FBXO34: variants seen among roughly 807,000 people sequenced by gnomAD.
FBXO34 encodes F-box only protein 34.
Under a neutral mutation model 24.5 loss-of-function variants are expected in FBXO34, and 12 were observed. That is an observed-to-expected ratio of 0.49 (90% CI 0.31 to 0.79). FBXO34 has a LOEUF of 0.79. FBXO34 is among the 30% of genes least tolerant of loss of function. The pLI is 0.04. For synonymous variants in FBXO34, 320 were observed against 311.9 expected, an observed-to-expected ratio of 1.03 and a Z score of -0.27; for missense variants, 823 against 857.7, an observed-to-expected ratio of 0.96 and a Z score of 0.51.
intron 1 of FBXO34, among the ~76,000 whole-genome samples, chr14:55,342,597 C>T (rs530255636): frequency 6.6e-6 from 1 of 152,140 alleles, no homozygotes; most frequent in South Asian, 2.1e-4. Context: ...TTTTTTCTGT[C>T]AGTGCTTAGA....
At chr14:55,306,007 T>G (rs530573347) in intron 1 of FBXO34, among the ~76,000 whole-genome samples, 1 of 152,366 alleles carries the variant, frequency 6.6e-6, no homozygotes, top group African/African-American at 2.4e-5. Flanking sequence ...GTTCAATGTT[T>G]GATCAACTGA....
At chr14:55,281,340 T>C (rs1214437799) in intron 1 of FBXO34, among the ~76,000 whole-genome samples, 1 of 151,868 alleles carries the variant, frequency 6.6e-6, no homozygotes, top group Non-Finnish European at 1.5e-5. Context: ...TAGTGGCTGC[T>C]GTATTGGATA....
rs755217620 is a variant in FBXO34, at chr14:55,293,600, CT to C, written c.-11+22076del. ...GAGGTAAGATTTCTGTAAATCTCTGCTTTTTTTTTTTTTAAATCAATGAAGG... is the reference window on the plus strand; with the variant it reads ...GAGGTAAGATTTCTGTAAATCTCTGCTTTTTTTTTTTTAAATCAATGAAGG... On this transcript the variant is annotated intron_variant, in intron 1 of 1. Coordinates refer to ENST00000313833, the MANE Select transcript of FBXO34 (RefSeq NM_017943.4). 6.5e-3 allele frequency among the ~76,000 whole-genome samples: 937 copies of C among 144,398 alleles called. 1 individual carries two copies. The highest frequency in any genetic ancestry group is 0.015 in the African/African-American group (593 of 39,906). The allele number at this position is 144,398 out of a possible 152,430, so 94.7% of individuals were successfully genotyped here. A position where few individuals can be genotyped will look rare whatever the true frequency, so the allele number is the denominator to read the frequency against.
chr14:55,345,580 C>G (rs1884133102), intron 1 of FBXO34, among the ~76,000 whole-genome samples: 1 of 152,212 alleles, frequency 6.6e-6, no homozygotes, highest in African/African-American at 2.4e-5. Context: ...TCACAGCACC[C>G]TGTGCTATCC....
At chr14:55,293,762 G>A (rs1566543360) in intron 1 of FBXO34, among the ~76,000 whole-genome samples, 2 of 152,030 alleles carry the variant, frequency 1.3e-5, no homozygotes, top group African/African-American at 4.8e-5. Flanking sequence ...TCCTTAGCAC[G>A]GAAAGTGGGA....
At position 55,352,214 on chromosome 14, in the gene FBXO34, C is replaced by A. The variant is rs771178382; in HGVS notation, c.1824C>A (p.Ile608=). 5.0e-6 allele frequency: 8 copies of A among 1,614,104 alleles called. No individual in the cohort carries two copies. The South Asian group carries it at 8.8e-5, about 18-fold the overall frequency. ...LKCTCCYFKF[I]IEYYNIRPAD... is the part of the protein sequence containing the mutation. ...GTACCTGCTGCTATTTCAAGTTTATCATTGAGTACTACAATATCAGGCCAG... is the reference window on the plus strand; with the variant it reads ...GTACCTGCTGCTATTTCAAGTTTATAATTGAGTACTACAATATCAGGCCAG... The change falls in exon 2 of 2, where the codon ATC becomes ATA. Residue 608 remains isoleucine, a synonymous_variant. Coordinates refer to ENST00000313833, the MANE Select transcript of FBXO34 (RefSeq NM_017943.4).
chr14:55,397,627 C>A, the FBXO34 span, among the ~76,000 whole-genome samples: 5 of 152,272 alleles, frequency 3.3e-5, no homozygotes, highest in East Asian at 9.6e-4. Context: ...AAGCTCAAAT[C>A]CTCAACTTTA....
chr14:55,299,057 G>C, intron 1 of FBXO34: 3 of 1,575,274 alleles, frequency 1.9e-6, no homozygotes, highest in Non-Finnish European at 2.6e-6. Flanking sequence ...CAGCAATTTC[G>C]AAACCTGTAG....
the FBXO34 span, among the ~76,000 whole-genome samples, chr14:55,426,970 G>T: frequency 6.6e-6 from 1 of 152,158 alleles, no homozygotes; most frequent in South Asian, 2.1e-4. Context: ...GCCCTGAATG[G>T]CCAGAAGGGA....
At chr14:55,422,094 C>T in the FBXO34 span, among the ~76,000 whole-genome samples, 1 of 152,030 alleles carries the variant, frequency 6.6e-6, no homozygotes, top group Non-Finnish European at 1.5e-5. Context: ...ATAGGATAAA[C>T]CTAGAGCAAA....
intron 1 of FBXO34, among the ~76,000 whole-genome samples, chr14:55,313,762 G>A (rs762780172): frequency 6.6e-6 from 1 of 152,138 alleles, no homozygotes; most frequent in Non-Finnish European, 1.5e-5. Flanking sequence ...TCACTGTCAT[G>A]AGAACAGCAT....
the FBXO34 span, among the ~76,000 whole-genome samples, chr14:55,427,315 CAAG>C: frequency 6.6e-6 from 1 of 151,782 alleles, no homozygotes; most frequent in South Asian, 2.1e-4. Flanking sequence ...AAAACATAAT[CAAG>C]AGAAAAATAA....
the FBXO34 span, among the ~76,000 whole-genome samples, chr14:55,395,741 T>G: frequency 6.6e-6 from 1 of 152,230 alleles, no homozygotes; most frequent in Non-Finnish European, 1.5e-5. Flanking sequence ...AATTATCCTT[T>G]ACAATGGCTC....
chr14:55,417,613 C>T, the FBXO34 span, among the ~76,000 whole-genome samples: 1 of 152,102 alleles, frequency 6.6e-6, no homozygotes, highest in African/African-American at 2.4e-5. Context: ...GCAAGCACCA[C>T]CATGTCTGGC....
rs557266370 is a variant in FBXO34, at chr14:55,285,039, A to G, written c.-11+13502A>G. Among the ~76,000 whole-genome samples the G allele has an allele frequency of 5.7e-4, 85 of 149,968 alleles. 3 individuals carry two copies. The highest frequency in any genetic ancestry group is 1.1e-3 in the Non-Finnish European group (77 of 67,108). On this transcript the variant is annotated intron_variant, in intron 1 of 1. Transcript: ENST00000313833. ...TTCTCTCTGGCCAGGTGAGGTTAAA[A>G]AAAAAAAAAAACTGCAAAGATCAGT...
intron 1 of FBXO34, among the ~76,000 whole-genome samples, chr14:55,311,265 T>G (rs1882729777): frequency 6.6e-6 from 1 of 152,148 alleles, no homozygotes; most frequent in African/African-American, 2.4e-5. Context: ...ATTCATTCAC[T>G]AACATGAGAA....
intron 1 of FBXO34, among the ~76,000 whole-genome samples, chr14:55,296,509 A>C (rs1267207520): frequency 2.1e-5 from 3 of 145,964 alleles, no homozygotes; most frequent in African/African-American, 7.6e-5. Flanking sequence ...ATTATCCTGC[A>C]TCAGCCTCCC....
chr14:55,427,074 C>T, the FBXO34 span, among the ~76,000 whole-genome samples: 11 of 152,242 alleles, frequency 7.2e-5, 1 homozygote, highest in Admixed American at 5.2e-4. Flanking sequence ...GCTGGAGGCT[C>T]GTGACTTGAG....
At chr14:55,390,302 C>A in the FBXO34 span, among the ~76,000 whole-genome samples, 1 of 152,046 alleles carries the variant, frequency 6.6e-6, no homozygotes, top group Non-Finnish European at 1.5e-5. Flanking sequence ...AACTCCTGAC[C>A]TCAGGTGATC....
Sources: gnomAD v4.1 joint callset for allele counts (sites outside exome capture counted in the v4.1 genomes callset) on GRCh38, gnomAD v4.1.1 for gene constraint, MANE v1.5 for transcripts, NCBI Gene and HGNC (gene_info 2026-07-23, HGNC 2026-07-21) for gene names.